Variants in SH3D19 observed in about 807,000 individuals in gnomAD.
SH3D19 encodes the protein SH3 domain-containing protein 19.
A neutral mutation model predicts 112.1 loss-of-function variants in SH3D19; 58 were observed. That is an observed-to-expected ratio of 0.52 (90% CI 0.42 to 0.64). The LOEUF (loss-of-function observed/expected upper bound fraction) is 0.64, where lower values mean the gene tolerates loss of function less well. Ranked by LOEUF, SH3D19 falls within the 30% of genes least tolerant of loss-of-function variation. SH3D19 has a pLI of 0.00. For synonymous variants in SH3D19, 391 were observed against 448.5 expected (o/e 0.87, Z 1.62); for missense variants, 1,090 against 1,263.4 (o/e 0.86, Z 2.08).
intron 1 of SH3D19, among the ~76,000 whole-genome samples, chr4:151,236,676 G>A (rs1235469854): frequency 6.6e-6 from 1 of 151,920 alleles, no homozygotes; most frequent in Non-Finnish European, 1.5e-5. Context: ...GCACCAATCA[G>A]CACTCTGTGT....
chr4:151,290,709 G>A (rs943833590), intron 1 of SH3D19, among the ~76,000 whole-genome samples: 1 of 152,106 alleles, frequency 6.6e-6, no homozygotes, highest in African/African-American at 2.4e-5. Flanking sequence ...AAAAGAAAGA[G>A]AACAAGACTA....
chr4:151,229,108 G>A (rs1255244858), intron 1 of SH3D19, among the ~76,000 whole-genome samples: 4 of 148,892 alleles, frequency 2.7e-5, no homozygotes, highest in Non-Finnish European at 5.9e-5. Flanking sequence ...CGGGACTCAA[G>A]CGATCCTCCT....
chr4:151,200,233 T>A (rs1451822297), intron 2 of SH3D19, among the ~76,000 whole-genome samples: 1 of 143,174 alleles, frequency 7.0e-6, no homozygotes, highest in Non-Finnish European at 1.5e-5. Flanking sequence ...CATACATACA[T>A]ACACACATAC....
chr4:151,169,576 G>T (rs969654270), intron 7 of SH3D19, among the ~76,000 whole-genome samples: 1 of 152,158 alleles, frequency 6.6e-6, no homozygotes, highest in African/African-American at 2.4e-5. Context: ...AGCAACGTAA[G>T]TTCACTTTTT....
intron 7 of SH3D19, among the ~76,000 whole-genome samples, chr4:151,172,578 AC>A (rs1260680800): frequency 3.3e-5 from 5 of 152,370 alleles, no homozygotes; most frequent in South Asian, 4.1e-4. Context: ...AATAATAACT[AC>A]TAATTAATGA....
At chr4:151,154,430 G>A (rs1318061589) in intron 9 of SH3D19, among the ~76,000 whole-genome samples, 7 of 146,942 alleles carry the variant, frequency 4.8e-5, no homozygotes, top group Admixed American at 1.3e-4. Context: ...CATTGCGCCC[G>A]GCCCACACCT....
rs377335420 is a variant in SH3D19, at chr4:151,236,217, G to A, written c.113-10131C>T. The stretch of plus-strand genomic sequence containing the variant: ...TCTGGGGCTGGCCGAGGCCAGAGCC[G>A]GCTCCCTCAGCTCGTGGAGAGGTGC... On this transcript the variant is annotated intron_variant, in intron 1 of 19. Transcript: ENST00000604030. Among the ~76,000 whole-genome samples, 6 of 152,384 alleles carry A rather than the reference G, an allele frequency of 3.9e-5. No individual in the cohort carries two copies. In the South Asian group the frequency reaches 1.0e-3, roughly 26 times the overall value.
At chr4:151,137,472 C>T (rs768172606) in intron 14 of SH3D19, among the ~76,000 whole-genome samples, 23 of 152,304 alleles carry the variant, frequency 1.5e-4, no homozygotes, top group South Asian at 4.1e-4. Context: ...TCTCCAAGAA[C>T]AGCTGATTCA....
chr4:151,148,259 A>G, intron 10 of SH3D19, 73 bp from the exon 11 acceptor site: 1 of 327,092 alleles, frequency 3.1e-6, no homozygotes, highest in Non-Finnish European at 5.0e-6. Flanking sequence ...TGTCTTACAC[A>G]CACACACACA....
rs182072424 is a variant in SH3D19, at chr4:151,206,091, G to C, written c.153-18628C>G. ...ACCTTAAGAACTGTCTTCTTTCACT[G>C]AACATCCCATGGCTGGAAGAGTTAA... On this transcript the variant is annotated intron_variant, in intron 2 of 19. Coordinates refer to ENST00000604030, the MANE Select transcript of SH3D19 (RefSeq NM_001378122.1). Among the ~76,000 whole-genome samples the C allele has an allele frequency of 3.3e-5, 5 of 152,310 alleles. No individual in the cohort carries two copies. In the East Asian group the frequency reaches 9.6e-4, roughly 29 times the overall value.
At chr4:151,219,879 A>T (rs1767743285) in intron 2 of SH3D19, among the ~76,000 whole-genome samples, 1 of 152,216 alleles carries the variant, frequency 6.6e-6, no homozygotes, top group African/African-American at 2.4e-5. Flanking sequence ...TCACTACCTC[A>T]TAAAGATATT....
chr4:151,309,469 A>G (rs1043449997), intron 1 of SH3D19, among the ~76,000 whole-genome samples: 3 of 152,234 alleles, frequency 2.0e-5, no homozygotes, highest in African/African-American at 4.8e-5. Context: ...TGCAAACCAT[A>G]TATCTGATAA....
intron 1 of SH3D19, among the ~76,000 whole-genome samples, chr4:151,267,167 A>T (rs6813965): frequency 0.016 from 1,577 of 98,044 alleles, 36 homozygotes; most frequent in African/African-American, 0.044. Context: ...TAAAAAAAAA[A>T]AAAAATAAAT....
Position 151,175,791 on chromosome 4 carries a change from A to AT in SH3D19, c.530-118dup, listed in dbSNP as rs1395901624. 6.8e-6 allele frequency: 7 copies of AT among 1,035,690 alleles called. No individual in the cohort carries two copies. The African/African-American group carries it at 9.9e-5, about 15-fold the overall frequency. The allele number at this position is 1,035,690 out of a possible 1,614,324, so 64.2% of individuals were successfully genotyped here. A position where few individuals can be genotyped will look rare whatever the true frequency, so the allele number is the denominator to read the frequency against. On this transcript the variant is annotated intron_variant, in intron 6 of 19. Coordinates refer to ENST00000604030, the MANE Select transcript of SH3D19 (RefSeq NM_001378122.1). ...AACTACATACATGGAATATCAAGAG[A>AT]TTTTGGTTTCTTTTAATTAGTAAAA...
intron 9 of SH3D19, among the ~76,000 whole-genome samples, chr4:151,150,206 A>ATAT (rs1554037660): frequency 1.8e-3 from 83 of 46,160 alleles, no homozygotes; most frequent in African/African-American, 3.2e-3. Flanking sequence ...AAAAAAAAAA[A>ATAT]ATATATATAT....
At chr4:151,173,211 G>T (rs1759372077) in intron 7 of SH3D19, among the ~76,000 whole-genome samples, 1 of 152,216 alleles carries the variant, frequency 6.6e-6, no homozygotes, top group Non-Finnish European at 1.5e-5. Context: ...GCTTGCTGCT[G>T]TTGGGTTTAT....
chr4:151,151,396 C>T (rs551005786), intron 9 of SH3D19, among the ~76,000 whole-genome samples: 8 of 144,956 alleles, frequency 5.5e-5, no homozygotes, highest in Non-Finnish European at 1.1e-4. Flanking sequence ...AATTACATTG[C>T]TTTTTTTTTT....
At chr4:151,161,632 A>G (rs201708493) in intron 8 of SH3D19, among the ~76,000 whole-genome samples, 5 of 141,036 alleles carry the variant, frequency 3.5e-5, no homozygotes, top group Non-Finnish European at 6.1e-5. Flanking sequence ...ATATATATAT[A>G]TATATATATT....
In SH3D19 at chr4:151,127,523, T is replaced by C. The variant is rs1451826014; in HGVS notation, c.3027+95A>G. 12 of 686,236 alleles carry C rather than the reference T, an allele frequency of 1.7e-5. No homozygotes were observed. In the Middle Eastern group the frequency reaches 1.0e-3, roughly 58 times the overall value. 42.5% of individuals were successfully genotyped at this position (686,236 alleles called of 1,614,324 possible). A position where few individuals can be genotyped will look rare whatever the true frequency, so the allele number is the denominator to read the frequency against. ...CTGAGATCTCTTCATTCTTGAGTAA[T>C]GATTAATATTCCACCCAAATGTTCC... On this transcript the variant is annotated intron_variant, in intron 19 of 19. Coordinates refer to ENST00000604030, the MANE Select transcript of SH3D19 (RefSeq NM_001378122.1).
Sources: gnomAD v4.1 joint callset for allele counts (sites outside exome capture counted in the v4.1 genomes callset) on GRCh38, gnomAD v4.1.1 for gene constraint, MANE v1.5 for transcripts, NCBI Gene and HGNC (gene_info 2026-07-23, HGNC 2026-07-21) for gene names.